ZCCHC4: variants seen among roughly 807,000 people sequenced by gnomAD.
ZCCHC4 encodes rRNA N(6)-adenosine-methyltransferase ZCCHC4.
Under a neutral mutation model 67.7 loss-of-function variants are expected in ZCCHC4, and 54 were observed. That is an observed-to-expected ratio of 0.80 (90% confidence interval 0.64 to 1.00). The LOEUF (loss-of-function observed/expected upper bound fraction) is 1.00, where lower values mean the gene tolerates loss of function less well. ZCCHC4 is among the 50% of genes least tolerant of loss of function. The pLI, the probability that ZCCHC4 is intolerant of heterozygous loss-of-function variation, is 0.00. For missense variants in ZCCHC4, 609 were observed against 617.0 expected, an observed-to-expected ratio of 0.99 and a Z score of 0.14; for synonymous variants, 198 against 213.5, an observed-to-expected ratio of 0.93 and a Z score of 0.63.
chr4:25,364,414 AAATT>A (rs1298268954), intron 10 of ZCCHC4, 36 bp from the exon 11 acceptor site: 6 of 1,390,236 alleles, frequency 4.3e-6, no homozygotes, highest in African/African-American at 1.5e-5. Context: ...TTTTAATAAC[AAATT>A]AATTATAATT....
intron 3 of ZCCHC4, among the ~76,000 whole-genome samples, chr4:25,325,489 C>T (rs1213879122): frequency 6.6e-6 from 1 of 151,950 alleles, no homozygotes; most frequent in Admixed American, 6.6e-5. Context: ...ATCTCGAACT[C>T]CTGACTTCAA....
chr4:25,333,957 AT>A lies in ZCCHC4; in HGVS notation c.657del (p.Ser221AlafsTer54). On this transcript the variant is annotated frameshift_variant, in exon 5 of 13. Transcript: ENST00000302874. LOFTEE classifies it high-confidence loss of function. ...AGCATCAGGTGACAAGAAGTCTAAC[AT>A]TAAAAGCCTTTTATTGGATATTGAT... is the stretch of plus-strand genomic sequence containing the variant. ...LTASGDKKSN[I>X]KSLLLDIDFR... The A allele has an allele frequency of 6.2e-7, 1 of 1,606,220 alleles. No individual in the cohort carries two copies. Among genetic ancestry groups the A allele is most frequent in the Non-Finnish European group, 8.5e-7 (1 of 1,178,262 alleles).
rs541324459 is a variant in ZCCHC4 at position 25,332,576 on chromosome 4, G to C, written c.330-607G>C. Among the ~76,000 whole-genome samples, 6 of 152,212 alleles carry C rather than the reference G, an allele frequency of 3.9e-5. No individual in the cohort carries two copies. The East Asian group carries it at 1.2e-3, about 29-fold the overall frequency. On this transcript the variant is annotated intron_variant, in intron 3 of 12. Coordinates refer to ENST00000302874, the MANE Select transcript of ZCCHC4 (RefSeq NM_024936.3). ...AAAAGAAATGGTGACTTTGAAATTG[G>C]ATATAAGGGTGACTTGGAAGAAATC... is the stretch of plus-strand genomic sequence containing the variant.
chr4:25,333,242 AGTT>A lies in ZCCHC4; in HGVS notation c.396_398del (p.Leu133del), dbSNP rs780615457. On this transcript the variant is annotated inframe_deletion, in exon 4 of 13. Transcript: ENST00000302874. ...AGAAAGTTTTGTCAAACATGTCAGC[AGTT>A]GTTGTTACCAGATGACTGGGGGCAA... 6 of 1,614,168 alleles carry A rather than the reference AGTT, an allele frequency of 3.7e-6. No homozygotes were observed. The highest frequency in any genetic ancestry group is 3.3e-5 in the Admixed American group (2 of 60,018).
Position 25,362,271 on chromosome 4 carries a change from CTG to C in ZCCHC4, c.1182_1183del (p.Cys394Ter), listed in dbSNP as rs1270618383. On this transcript the variant is annotated frameshift_variant, in exon 10 of 13. Coordinates refer to ENST00000302874, the MANE Select transcript of ZCCHC4 (RefSeq NM_024936.3). LOFTEE classifies it high-confidence loss of function. ...QRYVSLENQH[C>X]ELCNSCTSKD... ...GGTATGTTTCTCTAGAGAATCAACA[CTG>C]TGAGCTCTGTAATTCTTGCACATCC... 1 of 1,610,272 alleles carries C rather than the reference CTG, an allele frequency of 6.2e-7. No individual in the cohort carries two copies. Among genetic ancestry groups the C allele is most frequent in the African/African-American group, 1.3e-5 (1 of 74,818 alleles).
chr4:25,346,312 G>A (rs1048165009), intron 6 of ZCCHC4, among the ~76,000 whole-genome samples: 4 of 151,918 alleles, frequency 2.6e-5, no homozygotes, highest in Admixed American at 6.6e-5. Flanking sequence ...AGAATAAACA[G>A]CATAGTAGAG....
At chr4:25,327,745 G>A (rs909195353) in intron 3 of ZCCHC4, among the ~76,000 whole-genome samples, 2 of 152,140 alleles carry the variant, frequency 1.3e-5, no homozygotes, top group Non-Finnish European at 2.9e-5. Flanking sequence ...GCTTCCTAGA[G>A]TGCTGGGATT....
At chr4:25,367,542 T>A (rs1720995818) in intron 12 of ZCCHC4, among the ~76,000 whole-genome samples, 1 of 152,184 alleles carries the variant, frequency 6.6e-6, no homozygotes, top group Non-Finnish European at 1.5e-5. Flanking sequence ...ATACTATATT[T>A]CATTAAGTTT....
Position 25,325,303 on chromosome 4 carries a change from C to CTTT in ZCCHC4, c.330-7879_330-7878insTTT, listed in dbSNP as rs1450814763. 5.5e-3 allele frequency among the ~76,000 whole-genome samples: 638 copies of CTTT among 115,082 alleles called. 4 individuals carry two copies. Among genetic ancestry groups the CTTT allele is most frequent in the African/African-American group, 0.016 (603 of 37,018 alleles). 75.5% of individuals were successfully genotyped at this position (115,082 alleles called of 152,430 possible). On this transcript the variant is annotated intron_variant, in intron 3 of 12. Transcript: ENST00000302874. ...CATTCTTGGGTCGTCTTTTCACTCT[C>CTTT]TCTTTTTTTTTTTTTTGGCAGTGGT...
chr4:25,329,813 C>T (rs974410864), intron 3 of ZCCHC4, among the ~76,000 whole-genome samples: 2 of 151,972 alleles, frequency 1.3e-5, no homozygotes, highest in East Asian at 3.9e-4. Flanking sequence ...GGATTACAGG[C>T]GTGAGCCACC....
chr4:25,338,175 TCAACCTCCTG>T (rs1176788410), intron 5 of ZCCHC4, among the ~76,000 whole-genome samples: 1 of 152,214 alleles, frequency 6.6e-6, no homozygotes, highest in African/African-American at 2.4e-5. Flanking sequence ...CACTGCAGCC[TCAACCTCCTG>T]GGTTCAAGCG....
intron 12 of ZCCHC4, chr4:25,366,376 C>T: frequency 1.6e-6 from 1 of 617,480 alleles, no homozygotes; most frequent in East Asian, 1.5e-4. Flanking sequence ...AGTGCAGTGG[C>T]CTGATCTCGG....
At chr4:25,323,183 G>A (rs1217729042) in intron 3 of ZCCHC4, among the ~76,000 whole-genome samples, 1 of 152,148 alleles carries the variant, frequency 6.6e-6, no homozygotes, top group African/African-American at 2.4e-5. Context: ...GTTGTAAAAG[G>A]TTTTAGAATC....
At chr4:25,313,531 T>C (rs1386993798) in intron 1 of ZCCHC4, among the ~76,000 whole-genome samples, 1 of 152,140 alleles carries the variant, frequency 6.6e-6, no homozygotes, top group African/African-American at 2.4e-5. Context: ...CAAAAATTAT[T>C]TATAAGTAGT....
chr4:25,331,100 T>G (rs185730161), intron 3 of ZCCHC4, among the ~76,000 whole-genome samples: 9 of 152,316 alleles, frequency 5.9e-5, no homozygotes, highest in Admixed American at 4.6e-4. Flanking sequence ...TCCATCCCTG[T>G]GCTGCCAGCT....
At chr4:25,354,971 A>G (rs1401722681) in intron 8 of ZCCHC4, among the ~76,000 whole-genome samples, 2 of 145,588 alleles carry the variant, frequency 1.4e-5, no homozygotes, top group Non-Finnish European at 3.0e-5. Flanking sequence ...ACAATGCAGT[A>G]AAAAACCCCA....
Position 25,349,476 on chromosome 4 carries a change from T to G in ZCCHC4, c.760-16T>G. On this transcript the variant is annotated splice_polypyrimidine_tract_variant and intron_variant, in intron 6 of 12. Transcript: ENST00000302874. Reference sequence around the variant, plus strand: ...TCTCTAGTCCTAATTTAGAAATGAATTTTTATTTGTTCCAGACTGCCCTTG... The same window carrying G: ...TCTCTAGTCCTAATTTAGAAATGAAGTTTTATTTGTTCCAGACTGCCCTTG... 1 of 1,611,870 alleles carries G rather than the reference T, an allele frequency of 6.2e-7. No homozygotes were observed. Among genetic ancestry groups the G allele is most frequent in the Non-Finnish European group, 8.5e-7 (1 of 1,178,900 alleles).
chr4:25,334,033 C>T, intron 5 of ZCCHC4, 45 bp downstream of exon 5: 1 of 1,295,744 alleles, frequency 7.7e-7, no homozygotes, highest in Non-Finnish European at 1.1e-6. Context: ...TCTCCTGTTT[C>T]TTTTTAATGT....
intron 12 of ZCCHC4, 111 bp from the exon 13 acceptor site, chr4:25,368,918 T>A: frequency 7.7e-7 from 1 of 1,294,426 alleles, no homozygotes; most frequent in African/African-American, 1.5e-5. Flanking sequence ...TACAGTAGAT[T>A]CTTTCCCTTC....
Sources: allele counts gnomAD v4.1 joint callset (sites outside exome capture counted in the v4.1 genomes callset), GRCh38; gene constraint gnomAD v4.1.1; transcripts MANE v1.5; gene names NCBI Gene and HGNC (gene_info 2026-07-23, HGNC 2026-07-21).